TFDP2: variants seen among roughly 807,000 people sequenced by gnomAD.
The protein encoded by TFDP2 is transcription factor Dp-2.
Under a neutral mutation model 59.3 loss-of-function variants are expected in TFDP2, and 17 were observed. The ratio of observed to expected loss-of-function variants is 0.29; its 90% CI spans 0.20 to 0.43. The LOEUF is 0.43. Among genes scored for constraint, TFDP2 ranks in the 20% least tolerant of loss-of-function variants. TFDP2 has a pLI of 1.00. For synonymous variants in TFDP2, 180 were observed against 194.7 expected, an observed-to-expected ratio of 0.92 and a Z score of 0.63; for missense variants, 391 against 528.8, an observed-to-expected ratio of 0.74 and a Z score of 2.56.
At chr3:141,990,375 A>T (rs1942629365) in intron 6 of TFDP2, among the ~76,000 whole-genome samples, 1 of 151,984 alleles carries the variant, frequency 6.6e-6, no homozygotes, top group African/African-American at 2.4e-5. Context: ...CCCGGGTTCA[A>T]GCGATTCTCT....
chr3:142,087,156 T>C (rs1329319171), intron 3 of TFDP2, among the ~76,000 whole-genome samples: 3 of 152,318 alleles, frequency 2.0e-5, no homozygotes, highest in African/African-American at 7.2e-5. Context: ...GTTGTAAGAG[T>C]TCTGTGCCAG....
intron 3 of TFDP2, among the ~76,000 whole-genome samples, chr3:142,056,412 A>G (rs542739029): frequency 3.9e-5 from 6 of 152,262 alleles, no homozygotes; most frequent in African/African-American, 1.4e-4. Context: ...TGCGGTAAAT[A>G]TAGAAGCGGG....
chr3:141,976,738 A>G (rs1430781237), intron 7 of TFDP2, among the ~76,000 whole-genome samples: 1 of 151,868 alleles, frequency 6.6e-6, no homozygotes, highest in African/African-American at 2.4e-5. Context: ...CTTGCAGATC[A>G]TTGTGAGAAC....
At chr3:142,000,781 A>T (rs1273033976) in intron 4 of TFDP2, among the ~76,000 whole-genome samples, 1 of 152,188 alleles carries the variant, frequency 6.6e-6, no homozygotes, top group Non-Finnish European at 1.5e-5. Context: ...GAAAATAGAA[A>T]AGAAGAAAGG....
At chr3:142,144,625 T>C (rs2063097004) in intron 1 of TFDP2, among the ~76,000 whole-genome samples, 1 of 152,198 alleles carries the variant, frequency 6.6e-6, no homozygotes, top group Non-Finnish European at 1.5e-5. Context: ...CAATGCAGCC[T>C]TGACTTCCTG....
intron 3 of TFDP2, among the ~76,000 whole-genome samples, chr3:142,051,268 G>A (rs1173907835): frequency 2.0e-5 from 3 of 152,144 alleles, no homozygotes; most frequent in Non-Finnish European, 2.9e-5. Context: ...GGCCTGGCGC[G>A]GTGGCTCAGG....
At position 141,973,112 on chromosome 3, in the gene TFDP2, TA is replaced by T. The variant is rs1559951301; in HGVS notation, c.663+935del. On this transcript the variant is annotated intron_variant, in intron 8 of 12. Transcript: ENST00000489671. ...CTATGTGTATATATATATATATATA[TA>T]TATATATATATTTTTTTTTTTTAAA... Among the ~76,000 whole-genome samples, 401 of 111,614 alleles carry T rather than the reference TA, an allele frequency of 3.6e-3. 5 individuals are homozygous for T. The highest frequency in any genetic ancestry group is 0.013 in the African/African-American group (370 of 27,858). The allele number at this position is 111,614 out of a possible 152,430, so 73.2% of individuals were successfully genotyped here. A position where few individuals can be genotyped will look rare whatever the true frequency, so the allele number is the denominator to read the frequency against.
At chr3:142,101,356 C>CAAAAA (rs529718660) in intron 2 of TFDP2, among the ~76,000 whole-genome samples, 1 of 85,964 alleles carries the variant, frequency 1.2e-5, no homozygotes, top group Non-Finnish European at 2.5e-5. Flanking sequence ...CCTGAGTAAC[C>CAAAAA]AAAAAAAAAA....
At chr3:141,999,211 C>T (rs973400115) in intron 4 of TFDP2, among the ~76,000 whole-genome samples, 1 of 152,178 alleles carries the variant, frequency 6.6e-6, no homozygotes, top group Non-Finnish European at 1.5e-5. Flanking sequence ...TGATAATCCA[C>T]TTCCATTTAA....
At chr3:141,966,807 T>G (rs1404684455) in intron 9 of TFDP2, among the ~76,000 whole-genome samples, 1 of 149,436 alleles carries the variant, frequency 6.7e-6, no homozygotes, top group Non-Finnish European at 1.5e-5. Flanking sequence ...AAAAGAGAGG[T>G]GGTAGCAAGG....
At chr3:142,074,220 C>T (rs146940414) in intron 3 of TFDP2, among the ~76,000 whole-genome samples, 3,681 of 151,450 alleles carry the variant, frequency 0.024, 55 homozygotes, top group Non-Finnish European at 0.035. Context: ...ACCAGACTGG[C>T]CAACATGGTA....
chr3:142,134,223 C>G (rs112155356), intron 1 of TFDP2, among the ~76,000 whole-genome samples: 12,701 of 151,382 alleles, frequency 0.084, 696 homozygotes, highest in Middle Eastern at 0.14. Context: ...GTGGCACATG[C>G]CTGTAATCCC....
chr3:142,139,493 A>G (rs1308596163), intron 1 of TFDP2, among the ~76,000 whole-genome samples: 6 of 152,184 alleles, frequency 3.9e-5, no homozygotes, highest in Admixed American at 2.6e-4. Context: ...ATGTTTTTGC[A>G]GTGGCTGGTA....
At chr3:141,958,222 A>G (rs1936932211) in intron 11 of TFDP2, among the ~76,000 whole-genome samples, 1 of 152,158 alleles carries the variant, frequency 6.6e-6, no homozygotes, top group South Asian at 2.1e-4. Flanking sequence ...TTTAACATCA[A>G]GCAATCGGAA....
At position 141,999,970 on chromosome 3, in the gene TFDP2, C is replaced by T. The variant is rs574947846; in HGVS notation, c.187-4829G>A. The stretch of plus-strand genomic sequence containing the variant: ...CAGGATGGTCTCGATCTCCTGACCT[C>T]GTGATCTGCCTGCCTGAGCCTCCCA... On this transcript the variant is annotated intron_variant, in intron 4 of 12. Coordinates refer to ENST00000489671, the MANE Select transcript of TFDP2 (RefSeq NM_001178139.2). Among the ~76,000 whole-genome samples the T allele has an allele frequency of 1.1e-4, 17 of 152,210 alleles. No individual in the cohort carries two copies. In the South Asian group the frequency reaches 3.3e-3, roughly 30 times the overall value.
chr3:142,005,409 GT>G, intron 4 of TFDP2, 31 bp downstream of exon 4: 1 of 1,493,252 alleles, frequency 6.7e-7, no homozygotes, highest in Non-Finnish European at 9.3e-7. Flanking sequence ...GCTAAACAAA[GT>G]TTCAATTCTA....
intron 3 of TFDP2, among the ~76,000 whole-genome samples, chr3:142,085,895 A>G (rs55959014): frequency 0.085 from 12,955 of 152,228 alleles, 692 homozygotes; most frequent in Middle Eastern, 0.14. Flanking sequence ...TATCTACTCA[A>G]TCAATCAAAC....
At chr3:142,007,693 C>T in intron 3 of TFDP2, among the ~76,000 whole-genome samples, 1 of 152,154 alleles carries the variant, frequency 6.6e-6, no homozygotes, top group East Asian at 1.9e-4. Flanking sequence ...TAGAGAGTCC[C>T]ATCTGGGAGT....
intron 6 of TFDP2, among the ~76,000 whole-genome samples, chr3:141,989,887 A>T (rs547630029): frequency 0.074 from 10,989 of 149,312 alleles, 508 homozygotes; most frequent in Non-Finnish European, 0.11. Flanking sequence ...TAATAATAAT[A>T]ATAATAATTA....
Sources: gnomAD v4.1 joint callset for allele counts (sites outside exome capture counted in the v4.1 genomes callset) on GRCh38, gnomAD v4.1.1 for gene constraint, MANE v1.5 for transcripts, NCBI Gene and HGNC (gene_info 2026-07-23, HGNC 2026-07-21) for gene names.